Variants in NBPF3 observed in about 807,000 individuals in gnomAD.
The protein encoded by NBPF3 is NBPF member 3, also known as NBPF family member NBPF3.
In NBPF3, 57 loss-of-function variants were observed where a neutral mutation model predicts 78.1. The ratio of observed to expected loss-of-function variants is 0.73; its 90% CI spans 0.59 to 0.91. The LOEUF (loss-of-function observed/expected upper bound fraction) is 0.91, where lower values mean the gene tolerates loss of function less well. NBPF3 is among the 40% of genes least tolerant of loss of function. The probability of loss-of-function intolerance (pLI) is 0.00; values close to 1 mark genes in which losing one functional copy is unlikely to be tolerated. For missense variants in NBPF3, 510 were observed against 715.3 expected (o/e 0.71, Z 3.27); for synonymous variants, 182 against 271.7 (o/e 0.67, Z 3.25).
At chr1:21,475,053 C>A in intron 8 of NBPF3, 102 bp downstream of exon 8, 2 of 999,910 alleles carry the variant, frequency 2.0e-6, no homozygotes, top group Non-Finnish European at 1.5e-6. Context: ...TTATTCCATT[C>A]ACCCAGCTAC....
Position 21,471,783 on chromosome 1 carries a change from G to C in NBPF3, c.661G>C (p.Glu221Gln), listed in dbSNP as rs150659919. ...GCACCTCGTCCAAAAGCTCAGCCCA[G>C]GTGAGGTGGCCATAGGCCCTGATGA... is the stretch of plus-strand genomic sequence containing the variant. ...AQHLVQKLSP[E>Q]NDDDEDEDVK... Residue 221 changes from glutamate (E) to glutamine (Q), a missense_variant and splice_region_variant, in exon 5 of 15, where the codon GAA (glutamate) becomes CAA (glutamine). Coordinates refer to ENST00000318249, the MANE Select transcript of NBPF3 (RefSeq NM_032264.6). 137 of 1,612,538 alleles carry C rather than the reference G, an allele frequency of 8.5e-5. No homozygotes were observed. Among genetic ancestry groups the C allele is most frequent in the Admixed American group, 6.7e-5 (4 of 59,960 alleles).
chr1:21,450,602 TC>T (rs1641254454), intron 2 of NBPF3, among the ~76,000 whole-genome samples: 1 of 152,090 alleles, frequency 6.6e-6, no homozygotes, highest in Admixed American at 6.5e-5. Flanking sequence ...ACACTCACAT[TC>T]CCCCAACTGC....
At chr1:21,458,925 T>C (rs535141793) in intron 2 of NBPF3, among the ~76,000 whole-genome samples, 1 of 152,346 alleles carries the variant, frequency 6.6e-6, no homozygotes, top group African/African-American at 2.4e-5. Context: ...CTTTATAACA[T>C]TGATTTCATC....
chr1:21,455,958 A>G lies in NBPF3; in HGVS notation c.133+10739A>G, dbSNP rs1184110031. Among the ~76,000 whole-genome samples the G allele has an allele frequency of 5.3e-5, 8 of 152,174 alleles. No homozygotes were observed. The East Asian group carries it at 1.5e-3, about 29-fold the overall frequency. ...CACCTCATTAGCACCCAGGTATCCA[A>G]CTGAGACACTAGAATGGATGTGCTT... On this transcript the variant is annotated intron_variant, in intron 2 of 14. Transcript: ENST00000318249.
intron 3 of NBPF3, 65 bp from the exon 4 acceptor site, chr1:21,470,567 G>C: frequency 7.5e-7 from 1 of 1,335,718 alleles, no homozygotes; most frequent in Admixed American, 1.8e-5. Context: ...CTCCTGCCCT[G>C]TAGGCAGTGA....
intron 2 of NBPF3, among the ~76,000 whole-genome samples, chr1:21,455,501 A>G (rs1641550265): frequency 1.3e-5 from 2 of 152,250 alleles, no homozygotes. Flanking sequence ...AAACAACCGT[A>G]AAATTGTTTT....
At chr1:21,443,111 G>C (rs1263087715) in intron 1 of NBPF3, among the ~76,000 whole-genome samples, 1 of 152,148 alleles carries the variant, frequency 6.6e-6, no homozygotes, top group Non-Finnish European at 1.5e-5. Flanking sequence ...GTGTGGGTCT[G>C]TTTCTGTTTC....
intron 7 of NBPF3, among the ~76,000 whole-genome samples, chr1:21,473,959 T>G (rs1642750677): frequency 6.6e-6 from 1 of 152,222 alleles, no homozygotes; most frequent in African/African-American, 2.4e-5. Context: ...GCCTTGCCTT[T>G]GTGTTTGGAA....
chr1:21,454,964 C>T (rs923644904), intron 2 of NBPF3, among the ~76,000 whole-genome samples: 1 of 152,200 alleles, frequency 6.6e-6, no homozygotes, highest in African/African-American at 2.4e-5. Flanking sequence ...GAAGAACATC[C>T]TCTCAAGTTT....
chr1:21,442,710 C>G (rs2147889241), intron 1 of NBPF3, among the ~76,000 whole-genome samples: 1 of 151,824 alleles, frequency 6.6e-6, no homozygotes, highest in South Asian at 2.1e-4. Flanking sequence ...ATTGCCCAGG[C>G]TAGAGTGTGG....
intron 2 of NBPF3, among the ~76,000 whole-genome samples, chr1:21,450,824 G>C (rs1641266586): frequency 6.6e-6 from 1 of 152,190 alleles, no homozygotes; most frequent in Non-Finnish European, 1.5e-5. Flanking sequence ...CTGTGAAACT[G>C]AACAAACAGC....
At chr1:21,464,095 A>G (rs1388402457) in intron 2 of NBPF3, among the ~76,000 whole-genome samples, 1 of 152,260 alleles carries the variant, frequency 6.6e-6, no homozygotes. Flanking sequence ...AAAGTGACAT[A>G]TGATGCAGCA....
intron 2 of NBPF3, among the ~76,000 whole-genome samples, chr1:21,463,606 T>C (rs1278892937): frequency 6.6e-6 from 1 of 152,178 alleles, no homozygotes; most frequent in Non-Finnish European, 1.5e-5. Context: ...AATAGATAAA[T>C]GGACTTCATT....
chr1:21,473,736 T>C, intron 7 of NBPF3, 151 bp downstream of exon 7: 1 of 726,500 alleles, frequency 1.4e-6, no homozygotes, highest in Non-Finnish European at 2.3e-6. Context: ...CCTTCTCAGC[T>C]CATGTCATGC....
chr1:21,464,054 C>T (rs1186945066), intron 2 of NBPF3, among the ~76,000 whole-genome samples: 2 of 152,096 alleles, frequency 1.3e-5, no homozygotes, highest in Non-Finnish European at 2.9e-5. Flanking sequence ...GTGAGTTCCT[C>T]AAAAAGTTAA....
upstream of NBPF3, chr1:21,440,010 C>T (rs1336906910): frequency 6.6e-6 from 1 of 152,346 alleles, no homozygotes; most frequent in African/African-American, 2.4e-5. Flanking sequence ...CTGCTCGAAC[C>T]TGTTGTGCAG....
intron 2 of NBPF3, among the ~76,000 whole-genome samples, chr1:21,457,688 A>G (rs1211370338): frequency 6.6e-6 from 1 of 152,230 alleles, no homozygotes; most frequent in Non-Finnish European, 1.5e-5. Context: ...GAAAAATGGT[A>G]GGACTCCTTT....
Position 21,474,526 on chromosome 1 carries a change from G to A in NBPF3, c.941-374G>A, listed in dbSNP as rs1401508227. Among the ~76,000 whole-genome samples, 3 of 152,154 alleles carry A rather than the reference G, an allele frequency of 2.0e-5. No individual in the cohort carries two copies. The East Asian group carries it at 5.8e-4, about 29-fold the overall frequency. On this transcript the variant is annotated intron_variant, in intron 7 of 14. Coordinates refer to ENST00000318249, the MANE Select transcript of NBPF3 (RefSeq NM_032264.6). ...TTTATCTATCAGTCGAGTTTCATGTGTAGATCCCTCTAAACATTTAATGTC... is the reference window on the plus strand; with the variant it reads ...TTTATCTATCAGTCGAGTTTCATGTATAGATCCCTCTAAACATTTAATGTC...
chr1:21,441,104 G>C (rs542563424), intron 1 of NBPF3, among the ~76,000 whole-genome samples: 49 of 152,126 alleles, frequency 3.2e-4, no homozygotes, highest in Non-Finnish European at 6.3e-4. Flanking sequence ...AGCTGCTTTC[G>C]AAAAGAAGTC....
Sources: allele counts gnomAD v4.1 joint callset (sites outside exome capture counted in the v4.1 genomes callset), GRCh38; gene constraint gnomAD v4.1.1; transcripts MANE v1.5; gene names NCBI Gene and HGNC (gene_info 2026-07-23, HGNC 2026-07-21).